Variants in CEP128 observed in about 807,000 individuals in gnomAD.
CEP128 encodes centrosomal protein 128, also known as centrosomal protein 128kDa.
Under a neutral mutation model 156.7 loss-of-function variants are expected in CEP128, and 132 were observed. That is an observed-to-expected ratio of 0.84 (90% CI 0.73 to 0.97). The LOEUF is 0.97. Among genes scored for constraint, CEP128 ranks in the 50% least tolerant of loss-of-function variants. The pLI, the probability that CEP128 is intolerant of heterozygous loss-of-function variation, is 0.00. For synonymous variants in CEP128, 469 were observed against 448.9 expected, an observed-to-expected ratio of 1.04 and a Z score of -0.57; for missense variants, 1,252 against 1,281.9, an observed-to-expected ratio of 0.98 and a Z score of 0.36.
At chr14:80,930,700 A>T (rs996502461) in intron 2 of CEP128, among the ~76,000 whole-genome samples, 1 of 152,260 alleles carries the variant, frequency 6.6e-6, no homozygotes. Flanking sequence ...TGCACACTGC[A>T]TTAAAAGACA....
intron 21 of CEP128, among the ~76,000 whole-genome samples, chr14:80,537,246 T>C (rs543723602): frequency 6.6e-6 from 1 of 152,310 alleles, no homozygotes; most frequent in East Asian, 1.9e-4. Context: ...TATTTCTACA[T>C]GTAAGTGAAT....
chr14:80,490,564 A>G (rs1357313445), exon 7 of CEP128: 4 of 152,148 alleles, frequency 2.6e-5, no homozygotes, highest in Non-Finnish European at 4.4e-5. Flanking sequence ...ATTTAATTGG[A>G]TGTCTTGATG....
At chr14:80,574,890 A>T (rs958252174) in intron 20 of CEP128, among the ~76,000 whole-genome samples, 8 of 152,050 alleles carry the variant, frequency 5.3e-5, no homozygotes, top group African/African-American at 1.9e-4. Flanking sequence ...AGAAAATCGA[A>T]CCCTTCAACT....
At chr14:80,638,644 T>A (rs1262828564) in intron 19 of CEP128, among the ~76,000 whole-genome samples, 1 of 152,188 alleles carries the variant, frequency 6.6e-6, no homozygotes, top group Non-Finnish European at 1.5e-5. Context: ...CTTTTACCCT[T>A]CTACAATGAG....
chr14:80,749,959 G>A (rs771395468), intron 18 of CEP128, among the ~76,000 whole-genome samples: 8 of 151,948 alleles, frequency 5.3e-5, no homozygotes, highest in Non-Finnish European at 8.8e-5. Context: ...TAAATCTGAA[G>A]GAATACATTT....
chr14:80,958,815 TCTCA>T (rs1886858080), intron 1 of CEP128, among the ~76,000 whole-genome samples: 2 of 152,216 alleles, frequency 1.3e-5, no homozygotes, highest in African/African-American at 2.4e-5. Flanking sequence ...AGGCATGTTC[TCTCA>T]CAAGTTTTGT....
intron 19 of CEP128, among the ~76,000 whole-genome samples, chr14:80,647,030 TGTGC>T (rs1894668976): frequency 9.8e-6 from 1 of 101,842 alleles, no homozygotes; most frequent in Non-Finnish European, 2.3e-5. Context: ...TATATATATG[TGTGC>T]ATGTATATAT....
intron 1 of CEP128, among the ~76,000 whole-genome samples, chr14:80,958,449 G>A (rs906719483): frequency 3.3e-5 from 5 of 152,254 alleles, no homozygotes; most frequent in African/African-American, 1.2e-4. Context: ...TCCCCTGATG[G>A]TCATAGGCTT....
chr14:80,838,991 C>T (rs916441968), intron 10 of CEP128, among the ~76,000 whole-genome samples: 2 of 152,052 alleles, frequency 1.3e-5, no homozygotes, highest in East Asian at 1.9e-4. Context: ...CCCAGCTACT[C>T]GGGAGGCTGA....
intron 19 of CEP128, among the ~76,000 whole-genome samples, chr14:80,658,656 G>A (rs984325864): frequency 1.3e-5 from 2 of 152,160 alleles, no homozygotes; most frequent in Admixed American, 6.5e-5. Flanking sequence ...CTTAAAATAA[G>A]AATGATGCAG....
At chr14:80,738,607 G>A (rs327457) in intron 19 of CEP128, among the ~76,000 whole-genome samples, 88,815 of 151,974 alleles carry the variant, frequency 0.58, 26,447 homozygotes, top group East Asian at 0.79. Context: ...ACTGCAGTCC[G>A]AAAATAGGTA....
chr14:80,673,645 C>CAAAAA (rs4016509), intron 19 of CEP128, among the ~76,000 whole-genome samples: 3,732 of 43,904 alleles, frequency 0.085, 842 homozygotes, highest in East Asian at 0.16. Flanking sequence ...GACTCCGTCT[C>CAAAAA]AAAAAAAAAA....
At chr14:80,797,324 T>C (rs148063567) in intron 13 of CEP128, among the ~76,000 whole-genome samples, 41 of 152,328 alleles carry the variant, frequency 2.7e-4, no homozygotes, top group Admixed American at 8.5e-4. Context: ...TTGAATAATA[T>C]TTGAAAAGAT....
intron 2 of CEP128, among the ~76,000 whole-genome samples, chr14:80,953,300 A>G (rs746623263): frequency 2.6e-5 from 4 of 152,224 alleles, no homozygotes; most frequent in Non-Finnish European, 2.9e-5. Flanking sequence ...AAGATGATAA[A>G]CACGGCCGGG....
intron 19 of CEP128, among the ~76,000 whole-genome samples, chr14:80,585,705 T>G (rs1566794645): frequency 1.3e-5 from 2 of 152,202 alleles, no homozygotes; most frequent in Non-Finnish European, 2.9e-5. Context: ...CTGGCTCTTG[T>G]AACTTACTAT....
At chr14:80,940,665 C>A (rs1886098172) in intron 1 of CEP128, among the ~76,000 whole-genome samples, 1 of 91,764 alleles carries the variant, frequency 1.1e-5, no homozygotes, top group Non-Finnish European at 2.2e-5. Context: ...GGCGACAGAG[C>A]CAGACTCCTC....
chr14:80,956,108 A>G (rs1886663523), intron 2 of CEP128, among the ~76,000 whole-genome samples: 3 of 152,220 alleles, frequency 2.0e-5, no homozygotes, highest in Middle Eastern at 3.2e-3. Flanking sequence ...TGACCGTGAG[A>G]GCTGTTCTTT....
At position 80,591,092 on chromosome 14, in the gene CEP128, G is replaced by C. The variant is rs550104553; in HGVS notation, c.2807-10669C>G. On this transcript the variant is annotated intron_variant, in intron 19 of 24. Coordinates refer to ENST00000555265, the MANE Select transcript of CEP128 (RefSeq NM_152446.5). ...AGACCATCAACACTAGGAAGAAACTGCATCAACTAATGGGCAAAATAAACA... is the reference window on the plus strand; with the variant it reads ...AGACCATCAACACTAGGAAGAAACTCCATCAACTAATGGGCAAAATAAACA... Among the ~76,000 whole-genome samples the C allele has an allele frequency of 2.0e-5, 3 of 152,234 alleles. No individual in the cohort carries two copies. The Middle Eastern group carries it at 0.01, about 518-fold the overall frequency.
chr14:80,794,168 T>A (rs1008132063), intron 13 of CEP128, among the ~76,000 whole-genome samples: 1 of 152,172 alleles, frequency 6.6e-6, no homozygotes, highest in African/African-American at 2.4e-5. Flanking sequence ...ACATCTCCAC[T>A]GTACTAAGGT....
Sources: allele counts gnomAD v4.1 joint callset (sites outside exome capture counted in the v4.1 genomes callset), GRCh38; gene constraint gnomAD v4.1.1; transcripts MANE v1.5; gene names NCBI Gene and HGNC (gene_info 2026-07-23, HGNC 2026-07-21).